TMPRSS5: variants seen among roughly 807,000 people sequenced by gnomAD.
The protein encoded by TMPRSS5 is transmembrane protease serine 5.
In TMPRSS5, 45 loss-of-function variants were observed where a neutral mutation model predicts 59.7. That is an observed-to-expected ratio of 0.75 (90% CI 0.59 to 0.97). The LOEUF (loss-of-function observed/expected upper bound fraction) is 0.97. TMPRSS5 is among the 50% of genes least tolerant of loss of function. TMPRSS5 has a pLI of 0.00. For synonymous variants in TMPRSS5, 225 were observed against 232.0 expected (o/e 0.97, Z 0.27); for missense variants, 585 against 596.7 (o/e 0.98, Z 0.20).
rs750315828 is a variant in TMPRSS5 at position 113,694,614 on chromosome 11, G to T, written c.649C>A (p.Arg217=). The change falls in exon 8 of 13, where the codon CGG becomes AGG. Residue 217 remains arginine, a synonymous_variant. Coordinates refer to ENST00000299882, the MANE Select transcript of TMPRSS5 (RefSeq NM_030770.4). ...GCCACAGACTGCCCACCAACTATCC[G>T]GGAAGCCAGGGGCCTCGCTCCACAC... ...SECGARPLAS[R]IVGGQSVAPG... The T allele has an allele frequency of 6.5e-7, 1 of 1,549,848 alleles. No individual in the cohort carries two copies. Among genetic ancestry groups the T allele is most frequent in the Non-Finnish European group, 8.7e-7 (1 of 1,146,978 alleles).
chr11:113,694,377 G>A (rs1952866391), intron 8 of TMPRSS5, 101 bp downstream of exon 8: 1 of 1,314,836 alleles, frequency 7.6e-7, no homozygotes, highest in South Asian at 1.4e-5. Context: ...GGAGCAAAAA[G>A]CTGGAGACAG....
chr11:113,699,469 C>T (rs1056661246), intron 3 of TMPRSS5, 126 bp downstream of exon 3: 1 of 771,768 alleles, frequency 1.3e-6, no homozygotes, highest in African/African-American at 1.8e-5. Context: ...CAATTTCACC[C>T]TTTCTCCCCT....
intron 9 of TMPRSS5, 25 bp from the exon 10 acceptor site, chr11:113,690,964 T>A (rs1248970283): frequency 1.3e-6 from 2 of 1,559,698 alleles, no homozygotes; most frequent in Non-Finnish European, 1.7e-6. Context: ...ATGGTCCTGG[T>A]CCCCAGTCAG....
intron 3 of TMPRSS5, among the ~76,000 whole-genome samples, chr11:113,699,230 TC>T (rs1953027910): frequency 1.8e-5 from 1 of 54,698 alleles, no homozygotes; most frequent in Non-Finnish European, 3.3e-5. Flanking sequence ...TCTCTCTCTC[TC>T]TCTCTCTCTC....
Position 113,688,034 on chromosome 11 carries a change from A to T in TMPRSS5, c.*226T>A, listed in dbSNP as rs1449259650. 7.1e-6 allele frequency: 4 copies of T among 567,348 alleles called. No homozygotes were observed. In the East Asian group the frequency reaches 1.0e-4, roughly 15 times the overall value. 35.1% of individuals were successfully genotyped at this position (567,348 alleles called of 1,614,324 possible). On this transcript the variant is annotated 3_prime_UTR_variant, in exon 13 of 13. Coordinates refer to ENST00000299882, the MANE Select transcript of TMPRSS5 (RefSeq NM_030770.4). ...ACCAAGTCCCAGCCTCTCTTCTGTC[A>T]TTGAGTCTCTAGTGAGAAAGAGGAC...
intron 7 of TMPRSS5, among the ~76,000 whole-genome samples, chr11:113,695,099 G>A (rs1161044752): frequency 1.3e-5 from 2 of 152,140 alleles, no homozygotes; most frequent in East Asian, 3.9e-4. Context: ...TTCACCTCTG[G>A]GGCTTTCCAG....
At chr11:113,705,198 G>T (rs2134834954) in intron 1 of TMPRSS5, among the ~76,000 whole-genome samples, 1 of 152,266 alleles carries the variant, frequency 6.6e-6, no homozygotes, top group South Asian at 2.1e-4. Context: ...TGATTTTCAT[G>T]TGTCACATGA....
At chr11:113,691,587 T>C (rs1196981021) in intron 9 of TMPRSS5, among the ~76,000 whole-genome samples, 1 of 152,184 alleles carries the variant, frequency 6.6e-6, no homozygotes, top group African/African-American at 2.4e-5. Context: ...GGTTAGGATC[T>C]ATTTATTATA....
intron 8 of TMPRSS5, chr11:113,693,551 C>T (rs1952844485): frequency 4.1e-6 from 1 of 242,840 alleles, no homozygotes; most frequent in Non-Finnish European, 7.9e-6. Context: ...ATAACAAACA[C>T]ATAGAGGGCC....
At chr11:113,699,260 T>TCCCCCCC (rs1206647353) in intron 3 of TMPRSS5, among the ~76,000 whole-genome samples, 7 of 35,956 alleles carry the variant, frequency 1.9e-4, no homozygotes, top group South Asian at 8.4e-4. Context: ...TCTCTCTCTC[T>TCCCCCCC]CTCTCTCTCT....
At chr11:113,691,905 T>TTTTTTTTTTTG (rs1565256095) in intron 9 of TMPRSS5, among the ~76,000 whole-genome samples, 1 of 147,624 alleles carries the variant, frequency 6.8e-6, no homozygotes, top group Admixed American at 6.8e-5. Context: ...TTTTTTTTTT[T>TTTTTTTTTTTG]GAGACGGAGT....
At chr11:113,699,886 A>G (rs981071576) in intron 2 of TMPRSS5, 180 bp downstream of exon 2, 13 of 1,487,172 alleles carry the variant, frequency 8.7e-6, no homozygotes, top group Non-Finnish European at 1.1e-5. Flanking sequence ...GAAGCCCACA[A>G]ATCCCACTCA....
At chr11:113,698,690 C>T in intron 4 of TMPRSS5, 1 of 568,460 alleles carries the variant, frequency 1.8e-6, no homozygotes, top group Non-Finnish European at 3.0e-6. Flanking sequence ...CGGACCTTGC[C>T]CCAGCTAGAG....
intron 1 of TMPRSS5, among the ~76,000 whole-genome samples, chr11:113,701,451 C>T (rs1953128028): frequency 6.6e-6 from 1 of 151,320 alleles, no homozygotes; most frequent in African/African-American, 2.4e-5. Context: ...TTTGCCCCTG[C>T]CCTAGAGATC....
At chr11:113,703,615 A>T (rs2885810) in intron 1 of TMPRSS5, among the ~76,000 whole-genome samples, 12,853 of 152,234 alleles carry the variant, frequency 0.084, 688 homozygotes, top group African/African-American at 0.16. Flanking sequence ...CTCATTTTGA[A>T]TTGTAATTTT....
intron 6 of TMPRSS5, among the ~76,000 whole-genome samples, chr11:113,695,668 A>C (rs914725379): frequency 2.6e-5 from 4 of 152,122 alleles, no homozygotes; most frequent in African/African-American, 9.7e-5. Flanking sequence ...CCTCCTGCCT[A>C]GTCTCCCAGA....
intron 3 of TMPRSS5, among the ~76,000 whole-genome samples, chr11:113,699,345 G>A (rs1049650914): frequency 5.4e-5 from 8 of 148,802 alleles, no homozygotes; most frequent in Non-Finnish European, 5.9e-5. Flanking sequence ...CTGTCTGTGT[G>A]TGTTCTCTCT....
chr11:113,697,079 T>A (rs1013060535), intron 5 of TMPRSS5, 108 bp from the exon 6 acceptor site: 31 of 1,164,120 alleles, frequency 2.7e-5, no homozygotes, highest in Non-Finnish European at 3.6e-5. Flanking sequence ...ACTGCTGGGG[T>A]TTATGCTTGT....
At position 113,700,312 on chromosome 11, in the gene TMPRSS5, T is replaced by G. The variant is rs1321301168; in HGVS notation, c.4-144A>C. The G allele has an allele frequency of 9.8e-6, 8 of 818,222 alleles. No individual in the cohort carries two copies. The Admixed American group carries it at 2.6e-4, about 27-fold the overall frequency. The allele number at this position is 818,222 out of a possible 1,614,324, so 50.7% of individuals were successfully genotyped here. On this transcript the variant is annotated intron_variant, in intron 1 of 12. Coordinates refer to ENST00000299882, the MANE Select transcript of TMPRSS5 (RefSeq NM_030770.4). ...ACCTCTACTCATCTTGGAGACTCCC[T>G]GTATATTCCCACAAATACCTTGCCA...
Sources: allele counts gnomAD v4.1 joint callset (sites outside exome capture counted in the v4.1 genomes callset), GRCh38; gene constraint gnomAD v4.1.1; transcripts MANE v1.5; gene names NCBI Gene and HGNC (gene_info 2026-07-23, HGNC 2026-07-21).